Variants in FAM178B observed in about 807,000 individuals in gnomAD.
FAM178B encodes the protein family with sequence similarity 178 member B, also known as protein FAM178B.
FAM178B carries 82 observed loss-of-function variants against 91.7 expected under a neutral mutation model. The ratio of observed to expected loss-of-function variants is 0.89; its 90% CI spans 0.75 to 1.07. The LOEUF (loss-of-function observed/expected upper bound fraction) is 1.07, where lower values mean the gene tolerates loss of function less well. Ranked by LOEUF, FAM178B falls within the 50% of genes least tolerant of loss-of-function variation. The probability of loss-of-function intolerance (pLI) is 0.00; values close to 1 mark genes in which losing one functional copy is unlikely to be tolerated. For missense variants in FAM178B, 769 were observed against 846.7 expected, an observed-to-expected ratio of 0.91 and a Z score of 1.14; for synonymous variants, 368 against 359.4, an observed-to-expected ratio of 1.02 and a Z score of -0.27.
chr2:96,890,706 G>A (rs2080656623), intron 14 of FAM178B, among the ~76,000 whole-genome samples: 1 of 152,176 alleles, frequency 6.6e-6, no homozygotes, highest in Non-Finnish European at 1.5e-5. Context: ...AGTCTCCCTT[G>A]ATTGCCTGGG....
In FAM178B at chr2:96,921,853, C is replaced by CAA. The variant is rs1225014978; in HGVS notation, c.1288-200_1288-199insTT. 2.6e-5 allele frequency among the ~76,000 whole-genome samples: 4 copies of CAA among 152,248 alleles called. No individual in the cohort carries two copies. In the East Asian group the frequency reaches 7.7e-4, roughly 29 times the overall value. ...GCACAGGTGTGGAGAGTGTGCTTGT[C>CAA]AGAGGCGTTTGAACCAGAGCAACTC... On this transcript the variant is annotated intron_variant, in intron 10 of 16. Transcript: ENST00000490605.
At chr2:96,905,328 CG>C (rs891134306) in intron 12 of FAM178B, among the ~76,000 whole-genome samples, 1 of 151,842 alleles carries the variant, frequency 6.6e-6, no homozygotes, top group Admixed American at 6.6e-5. Context: ...GAGGCTGAAG[CG>C]GGTGGATCAT....
chr2:96,981,181 G>T (rs573357083), intron 1 of FAM178B, among the ~76,000 whole-genome samples: 2 of 152,182 alleles, frequency 1.3e-5, no homozygotes, highest in Admixed American at 1.3e-4. Flanking sequence ...GTCTGGGCTA[G>T]TCTCGAACTC....
chr2:96,935,600 A>C (rs1287070148), intron 8 of FAM178B, among the ~76,000 whole-genome samples: 1 of 151,328 alleles, frequency 6.6e-6, no homozygotes, highest in Non-Finnish European at 1.5e-5. Flanking sequence ...CTAAATGAAT[A>C]ATCTATCAGA....
chr2:96,894,127 G>A (rs1349946377), intron 13 of FAM178B, 76 bp from the exon 14 acceptor site: 2 of 1,515,754 alleles, frequency 1.3e-6, no homozygotes, highest in Non-Finnish European at 1.8e-6. Flanking sequence ...GAATCGGCCT[G>A]GACACCTCAG....
intron 14 of FAM178B, among the ~76,000 whole-genome samples, chr2:96,879,439 C>T (rs554402089): frequency 3.9e-5 from 6 of 152,330 alleles, no homozygotes; most frequent in Middle Eastern, 6.8e-3. Context: ...CCTCCCAGGG[C>T]GCCAGGCAGT....
intron 12 of FAM178B, among the ~76,000 whole-genome samples, chr2:96,913,117 G>A (rs1383794923): frequency 1.3e-5 from 2 of 152,232 alleles, no homozygotes; most frequent in East Asian, 1.9e-4. Flanking sequence ...GACTGCAGAA[G>A]GTTTTGGGAG....
rs1255023334 is a variant in FAM178B, at chr2:96,972,308, C to T, written c.157G>A (p.Ala53Thr). 3.4e-6 allele frequency: 5 copies of T among 1,465,610 alleles called. No homozygotes were observed. The South Asian group carries it at 4.3e-5, about 13-fold the overall frequency. 90.8% of individuals were successfully genotyped at this position (1,465,610 alleles called of 1,614,324 possible). A position where few individuals can be genotyped will look rare whatever the true frequency, so the allele number is the denominator to read the frequency against. ...TTGTACAGGAGGATGGGCACGGTGG[C>T]GGCAGCCTGCACCCCTGCAGACAGG... ...LPLREGVQAA[A>T]TVPILLYNLE... The change falls in exon 3 of 17, where the codon GCC becomes ACC. Residue 53 changes from alanine to threonine, a missense_variant. Coordinates refer to ENST00000490605, the MANE Select transcript of FAM178B (RefSeq NM_001122646.3).
In FAM178B at chr2:96,905,832, A is replaced by G. The variant is rs1179960996; in HGVS notation, c.1563-3125T>C. Among the ~76,000 whole-genome samples, 91 of 25,806 alleles carry G rather than the reference A, an allele frequency of 3.5e-3. 1 individual carries two copies. The highest frequency in any genetic ancestry group is 0.012 in the African/African-American group (74 of 6,418). The allele number at this position is 25,806 out of a possible 152,430, so 16.9% of individuals were successfully genotyped here. ...CATATATGTGTGTATATATATATATATATATATATATATATATATATATAT... is the reference window on the plus strand; with the variant it reads ...CATATATGTGTGTATATATATATATGTATATATATATATATATATATATAT... On this transcript the variant is annotated intron_variant, in intron 12 of 16. Coordinates refer to ENST00000490605, the MANE Select transcript of FAM178B (RefSeq NM_001122646.3).
intron 8 of FAM178B, among the ~76,000 whole-genome samples, chr2:96,934,158 T>C (rs1318723336): frequency 6.6e-6 from 1 of 152,124 alleles, no homozygotes; most frequent in Non-Finnish European, 1.5e-5. Flanking sequence ...TTGTTGGTGT[T>C]GGGTGGGGGA....
intron 12 of FAM178B, among the ~76,000 whole-genome samples, chr2:96,913,334 A>C (rs1479852190): frequency 6.6e-6 from 1 of 152,172 alleles, no homozygotes; most frequent in Non-Finnish European, 1.5e-5. Flanking sequence ...TCAAGAGCCA[A>C]GGTGGGGACA....
intron 9 of FAM178B, among the ~76,000 whole-genome samples, chr2:96,928,937 C>G (rs569979638): frequency 8.4e-4 from 127 of 152,090 alleles, no homozygotes; most frequent in African/African-American, 3.0e-3. Flanking sequence ...ATCGCTTGAG[C>G]CTAAGAGTTC....
chr2:96,930,244 A>AAAAC, intron 8 of FAM178B, among the ~76,000 whole-genome samples: 3 of 140,216 alleles, frequency 2.1e-5, no homozygotes, highest in African/African-American at 7.8e-5. Context: ...AAAAAAAAAA[A>AAAAC]TCTGACCACG....
chr2:96,883,888 C>T (rs958528643), intron 14 of FAM178B, among the ~76,000 whole-genome samples: 6 of 152,176 alleles, frequency 3.9e-5, no homozygotes, highest in African/African-American at 1.4e-4. Flanking sequence ...ATCTCGAGAG[C>T]CTAGAGGTCC....
intron 10 of FAM178B, among the ~76,000 whole-genome samples, chr2:96,923,122 C>T (rs148223252): frequency 2.2e-3 from 329 of 152,192 alleles, no homozygotes; most frequent in Non-Finnish European, 3.4e-3. Flanking sequence ...GTGTCCGCCA[C>T]CATGCCCGGC....
chr2:96,934,743 G>T (rs891776755), intron 8 of FAM178B, among the ~76,000 whole-genome samples: 1 of 152,150 alleles, frequency 6.6e-6, no homozygotes, highest in Non-Finnish European at 1.5e-5. Context: ...CTCTTTTCCA[G>T]ATCTGCACCC....
intron 1 of FAM178B, among the ~76,000 whole-genome samples, chr2:96,974,224 TA>T (rs2082259884): frequency 2.0e-5 from 3 of 147,168 alleles, no homozygotes; most frequent in Admixed American, 2.0e-4. Context: ...CCACTAAAAA[TA>T]CAAAAAATTA....
At chr2:96,926,541 C>A (rs927993084) in intron 9 of FAM178B, among the ~76,000 whole-genome samples, 1 of 152,180 alleles carries the variant, frequency 6.6e-6, no homozygotes, top group Non-Finnish European at 1.5e-5. Context: ...TGGGCATGAG[C>A]CCCTCTGAGG....
chr2:96,953,535 A>ATC (rs1475706721), intron 6 of FAM178B, among the ~76,000 whole-genome samples: 4 of 152,216 alleles, frequency 2.6e-5, no homozygotes, highest in Non-Finnish European at 5.9e-5. Flanking sequence ...CAGTTGCAAC[A>ATC]TCTCCCTTCT....
Sources: gnomAD v4.1 joint callset for allele counts (sites outside exome capture counted in the v4.1 genomes callset) on GRCh38, gnomAD v4.1.1 for gene constraint, MANE v1.5 for transcripts, NCBI Gene and HGNC (gene_info 2026-07-23, HGNC 2026-07-21) for gene names.